The following CORIN variants were observed in gnomAD, a reference collection of about 807,000 sequenced individuals.
The protein encoded by CORIN is atrial natriuretic peptide-converting enzyme.
Under a neutral mutation model 125.3 loss-of-function variants are expected in CORIN, and 117 were observed. That is an observed-to-expected ratio of 0.93 (90% CI 0.80 to 1.09). The LOEUF is 1.09. Ranked by LOEUF, CORIN falls within the 50% of genes least tolerant of loss-of-function variation. The pLI is 0.00. For missense variants in CORIN, 1,253 were observed against 1,306.7 expected, an observed-to-expected ratio of 0.96 and a Z score of 0.63; for synonymous variants, 450 against 466.4, an observed-to-expected ratio of 0.96 and a Z score of 0.45.
At chr4:47,712,642 C>T (rs947419072) in intron 5 of CORIN, among the ~76,000 whole-genome samples, 1 of 152,078 alleles carries the variant, frequency 6.6e-6, no homozygotes, top group African/African-American at 2.4e-5. Flanking sequence ...TCCTTCCTCC[C>T]CTGGCTGCCA....
intron 3 of CORIN, among the ~76,000 whole-genome samples, chr4:47,785,715 C>T (rs1577921156): frequency 1.3e-5 from 2 of 151,848 alleles, no homozygotes; most frequent in African/African-American, 2.4e-5. Context: ...AGTTCAAGAC[C>T]AGCCTGACTA....
chr4:47,720,944 T>C (rs1727315253), intron 5 of CORIN, among the ~76,000 whole-genome samples: 1 of 152,174 alleles, frequency 6.6e-6, no homozygotes, highest in Admixed American at 6.5e-5. Flanking sequence ...AGCAAATCAC[T>C]TAATCTCCCT....
chr4:47,696,249 C>A (rs1725996803), intron 5 of CORIN, among the ~76,000 whole-genome samples: 1 of 152,056 alleles, frequency 6.6e-6, no homozygotes, highest in South Asian at 2.1e-4. Flanking sequence ...TTGAGTGGCC[C>A]CTTAGGATGA....
At chr4:47,749,747 A>G (rs893589104) in intron 4 of CORIN, among the ~76,000 whole-genome samples, 1 of 152,216 alleles carries the variant, frequency 6.6e-6, no homozygotes, top group African/African-American at 2.4e-5. Context: ...CTATTCATTG[A>G]CAAGACTCAC....
At chr4:47,674,351 T>C (rs1403153383) in intron 10 of CORIN, 42 bp downstream of exon 10, 5 of 1,301,904 alleles carry the variant, frequency 3.8e-6, no homozygotes, top group Non-Finnish European at 5.6e-6. Context: ...GCTGAATGCA[T>C]GCCCTGACAT....
rs150957535 is a variant in CORIN, at chr4:47,680,174, C to A, written c.1099G>T (p.Asp367Tyr). 5 of 1,613,826 alleles carry A rather than the reference C, an allele frequency of 3.1e-6. No homozygotes were observed. Among genetic ancestry groups the A allele is most frequent in the Admixed American group, 1.7e-5 (1 of 60,028 alleles). ...AMEWVCDGDH[D>Y]CVDKSDEVNC... is the part of the protein sequence containing the mutation. ...ACCTCGTCAGACTTATCCACACAGT[C>A]GTGGTCACCATCACACACCCACTCC... The change falls in exon 8 of 22, where the codon GAC (aspartate) becomes TAC (tyrosine). Residue 367 changes from aspartate to tyrosine, a missense_variant. Asp to Tyr is a radical substitution (Grantham distance 160). Transcript: ENST00000273857.
chr4:47,658,123 T>C (rs952933874), intron 12 of CORIN, among the ~76,000 whole-genome samples: 3 of 152,140 alleles, frequency 2.0e-5, no homozygotes, highest in Admixed American at 6.5e-5. Flanking sequence ...ACTTCCAAGA[T>C]ACAATGGCTG....
chr4:47,674,657 C>A (rs1183165401), intron 9 of CORIN, among the ~76,000 whole-genome samples, 157 bp from the exon 10 acceptor site: 1 of 152,162 alleles, frequency 6.6e-6, no homozygotes, highest in African/African-American at 2.4e-5. Flanking sequence ...TGAATAGGTG[C>A]TTTCTGGATT....
At chr4:47,700,529 G>T (rs1726236159) in intron 5 of CORIN, among the ~76,000 whole-genome samples, 2 of 152,206 alleles carry the variant, frequency 1.3e-5, no homozygotes, top group South Asian at 4.1e-4. Flanking sequence ...GTACAAGGAT[G>T]CAAGGGGCTT....
intron 4 of CORIN, among the ~76,000 whole-genome samples, chr4:47,753,470 G>A (rs1729000183): frequency 6.6e-6 from 1 of 152,056 alleles, no homozygotes; most frequent in African/African-American, 2.4e-5. Context: ...GGGTACTGCA[G>A]GAGACCAGGG....
chr4:47,678,106 A>T, intron 8 of CORIN, 52 bp from the exon 9 acceptor site: 1 of 1,246,008 alleles, frequency 8.0e-7, no homozygotes, highest in East Asian at 2.3e-5. Flanking sequence ...TTCTCTCTCA[A>T]TCTGCACATC....
chr4:47,804,113 A>G (rs1731662499), intron 2 of CORIN, among the ~76,000 whole-genome samples: 1 of 152,366 alleles, frequency 6.6e-6, no homozygotes, highest in East Asian at 1.9e-4. Flanking sequence ...GGGGCTCAAC[A>G]TCACTGACCA....
At chr4:47,725,985 C>T (rs1224658796) in intron 5 of CORIN, among the ~76,000 whole-genome samples, 4 of 152,082 alleles carry the variant, frequency 2.6e-5, no homozygotes, top group Non-Finnish European at 2.9e-5. Context: ...GGTGATATTC[C>T]GATGGCAAGT....
chr4:47,721,547 G>A (rs1727351505), intron 5 of CORIN, among the ~76,000 whole-genome samples: 1 of 152,168 alleles, frequency 6.6e-6, no homozygotes, highest in Admixed American at 6.5e-5. Context: ...GGGATTACAG[G>A]CGTGAGCCAC....
chr4:47,623,836 TC>T (rs35604278), intron 18 of CORIN, 62 bp downstream of exon 18: 32 of 1,606,094 alleles, frequency 2.0e-5, no homozygotes, highest in Non-Finnish European at 2.6e-5. Flanking sequence ...CGATCACTCT[TC>T]CCCTGAGCCA....
intron 13 of CORIN, among the ~76,000 whole-genome samples, chr4:47,650,077 C>T (rs4145946): frequency 0.14 from 20,904 of 152,114 alleles, 1,933 homozygotes; most frequent in East Asian, 0.47. Flanking sequence ...CTGTAAAACC[C>T]GTAAATATCA....
At chr4:47,789,578 A>G (rs988735642) in intron 2 of CORIN, among the ~76,000 whole-genome samples, 9 of 152,238 alleles carry the variant, frequency 5.9e-5, no homozygotes, top group Non-Finnish European at 1.0e-4. Context: ...TGTCTTTAAA[A>G]GCCTGAACTC....
intron 19 of CORIN, among the ~76,000 whole-genome samples, chr4:47,618,138 C>T (rs1369914896): frequency 6.6e-6 from 1 of 151,502 alleles, no homozygotes; most frequent in Non-Finnish European, 1.5e-5. Context: ...AGTTCGAGAC[C>T]AGCCTGACCA....
intron 1 of CORIN, among the ~76,000 whole-genome samples, chr4:47,832,678 C>G (rs905541864): frequency 6.6e-6 from 1 of 152,014 alleles, no homozygotes. Context: ...AACTCCTGAC[C>G]TCAGGTGATC....
Sources: gnomAD v4.1 joint callset for allele counts (sites outside exome capture counted in the v4.1 genomes callset) on GRCh38, gnomAD v4.1.1 for gene constraint, MANE v1.5 for transcripts, NCBI Gene and HGNC (gene_info 2026-07-23, HGNC 2026-07-21) for gene names.